Variants in MPPED1 observed in about 807,000 individuals in gnomAD.
MPPED1 encodes the protein metallophosphoesterase domain containing 1.
Under a neutral mutation model 36.2 loss-of-function variants are expected in MPPED1, and 16 were observed. That is an observed-to-expected ratio of 0.44 (90% CI 0.30 to 0.67). The LOEUF is 0.67. Among genes scored for constraint, MPPED1 ranks in the 30% least tolerant of loss-of-function variants. The probability of loss-of-function intolerance (pLI) is 0.10; values close to 1 mark genes in which losing one functional copy is unlikely to be tolerated. For missense variants in MPPED1, 307 were observed against 453.4 expected (o/e 0.68, Z 2.93); for synonymous variants, 199 against 191.3 (o/e 1.04, Z -0.33).
chr22:43,502,760 C>G lies in MPPED1; in HGVS notation c.862+3C>G. On this transcript the variant is annotated splice_donor_region_variant and intron_variant, in intron 6 of 6. Transcript: ENST00000443721. This position sits in a 1 kb window ranked among gnomAD's most constrained non-coding sequence, Gnocchi z 5.5. ...TGTCTTTGGCCACATCCACGAAGGT[C>G]AGTACGTAGCGGAGACAGGCACCTC... 1 of 1,612,724 alleles carries G rather than the reference C, an allele frequency of 6.2e-7. No homozygotes were observed. The highest frequency in any genetic ancestry group is 8.5e-7 in the Non-Finnish European group (1 of 1,179,402).
chr22:43,421,200 C>G (rs1223159871), intron 1 of MPPED1, among the ~76,000 whole-genome samples: 2 of 152,250 alleles, frequency 1.3e-5, no homozygotes, highest in Non-Finnish European at 2.9e-5. Context: ...TGCGCCTCCT[C>G]CGTGGATCGG....
intron 4 of MPPED1, among the ~76,000 whole-genome samples, chr22:43,496,435 G>GGTGGTGGTGGAGGTA: frequency 9.9e-6 from 1 of 101,180 alleles, no homozygotes; most frequent in Non-Finnish European, 1.9e-5. Context: ...TGGTGGAGGT[G>GGTGGTGGTGGAGGTA]GTGGTGGTGG....
intron 3 of MPPED1, among the ~76,000 whole-genome samples, chr22:43,444,364 C>CTT (rs11307353): frequency 1.6e-4 from 14 of 89,352 alleles, no homozygotes; most frequent in East Asian, 3.0e-4. Flanking sequence ...TTCTATCTAT[C>CTT]TTTTTTTTTT....
intron 3 of MPPED1, among the ~76,000 whole-genome samples, chr22:43,470,864 C>T (rs1252208738): frequency 6.6e-6 from 1 of 152,240 alleles, no homozygotes; most frequent in Non-Finnish European, 1.5e-5. Flanking sequence ...ACTTTGGACT[C>T]AGAGGGATGT....
intron 3 of MPPED1, among the ~76,000 whole-genome samples, chr22:43,473,704 A>G (rs1223018273): frequency 6.6e-6 from 1 of 151,996 alleles, no homozygotes; most frequent in Non-Finnish European, 1.5e-5. Flanking sequence ...TCTCAGATGG[A>G]GTAGGGGGCA....
intron 3 of MPPED1, among the ~76,000 whole-genome samples, chr22:43,447,060 G>A (rs533573128): frequency 6.6e-5 from 10 of 152,228 alleles, no homozygotes; most frequent in Admixed American, 2.0e-4. Flanking sequence ...GGAGGGTGGC[G>A]GTGCCTTCCT....
intron 3 of MPPED1, among the ~76,000 whole-genome samples, chr22:43,442,074 T>C (rs1413022609): frequency 6.6e-6 from 1 of 151,898 alleles, no homozygotes; most frequent in Non-Finnish European, 1.5e-5. Context: ...AACAAGTACT[T>C]TCTGGTGCAA....
At chr22:43,469,464 G>C (rs895033610) in intron 3 of MPPED1, among the ~76,000 whole-genome samples, 2 of 2,676 alleles carry the variant, frequency 7.5e-4, no homozygotes, top group Non-Finnish European at 1.8e-3. Flanking sequence ...ATCTATGTTC[G>C]GGTTGGTAAG....
Position 43,440,621 on chromosome 22 carries a change from A to G in MPPED1, c.406+5406A>G, listed in dbSNP as rs1444613740. ...GAGCTGGGATTTGCAAGATGCCAGAAAGTTCCCTCTCTGTGACTGGCAGGT... is the reference window on the plus strand; with the variant it reads ...GAGCTGGGATTTGCAAGATGCCAGAGAGTTCCCTCTCTGTGACTGGCAGGT... On this transcript the variant is annotated intron_variant, in intron 3 of 6. Coordinates refer to ENST00000443721, the MANE Select transcript of MPPED1 (RefSeq NM_001044370.2). 2.0e-5 allele frequency among the ~76,000 whole-genome samples: 3 copies of G among 152,150 alleles called. No individual in the cohort carries two copies. The East Asian group carries it at 5.8e-4, about 29-fold the overall frequency.
Position 43,476,444 on chromosome 22 carries a change from C to T in MPPED1, c.632+1483C>T, listed in dbSNP as rs972897075. Among the ~76,000 whole-genome samples the T allele has an allele frequency of 3.3e-5, 5 of 152,080 alleles. No homozygotes were observed. In the East Asian group the frequency reaches 5.8e-4, roughly 18 times the overall value. On this transcript the variant is annotated intron_variant, in intron 4 of 6. Transcript: ENST00000443721. ...CACTATCAGGAAGCAGCACAGTCAGCGAGGCTAAGGAGCCCTTTAGAGGCA... is the reference window on the plus strand; with the variant it reads ...CACTATCAGGAAGCAGCACAGTCAGTGAGGCTAAGGAGCCCTTTAGAGGCA...
Position 43,498,222 on chromosome 22 carries a change from ACTT to A in MPPED1, c.633-7_633-5del, listed in dbSNP as rs1482168969. ...CACCCGCCCTCCCTCAAACACCTGCACTTCTTCTACAGGCAGCCCTGGTTCTAC... is the reference window on the plus strand; with the variant it reads ...CACCCGCCCTCCCTCAAACACCTGCACTTCTACAGGCAGCCCTGGTTCTAC... On this transcript the variant is annotated splice_polypyrimidine_tract_variant and intron_variant, in intron 4 of 6. Coordinates refer to ENST00000443721, the MANE Select transcript of MPPED1 (RefSeq NM_001044370.2). The A allele has an allele frequency of 7.8e-6, 12 of 1,532,356 alleles. No individual in the cohort carries two copies. The highest frequency in any genetic ancestry group is 1.2e-5 in the South Asian group (1 of 83,856). The allele number at this position is 1,532,356 out of a possible 1,614,324, so 94.9% of individuals were successfully genotyped here. A position where few individuals can be genotyped will look rare whatever the true frequency, so the allele number is the denominator to read the frequency against.
chr22:43,454,300 T>C (rs1464425511), intron 3 of MPPED1, among the ~76,000 whole-genome samples: 1 of 151,750 alleles, frequency 6.6e-6, no homozygotes, highest in Non-Finnish European at 1.5e-5. Flanking sequence ...TGAGCCACTG[T>C]ACCCAGCCTA....
intron 3 of MPPED1, among the ~76,000 whole-genome samples, chr22:43,440,066 C>G (rs546813576): frequency 6.6e-6 from 1 of 152,248 alleles, no homozygotes; most frequent in Non-Finnish European, 1.5e-5. Flanking sequence ...TGTCCAGCGC[C>G]AGCCAGCGGA....
intron 4 of MPPED1, among the ~76,000 whole-genome samples, chr22:43,494,672 T>C (rs1207073104): frequency 8.1e-6 from 1 of 123,340 alleles, no homozygotes; most frequent in Non-Finnish European, 1.7e-5. Flanking sequence ...CATGTCTTTT[T>C]GGGGGACACA....
chr22:43,413,874 T>C (rs1383313655), intron 1 of MPPED1, among the ~76,000 whole-genome samples: 1 of 152,242 alleles, frequency 6.6e-6, no homozygotes, highest in Non-Finnish European at 1.5e-5. Context: ...AGTGTGGGAC[T>C]GCCTTCCTAT....
intron 2 of MPPED1, among the ~76,000 whole-genome samples, chr22:43,433,553 C>T (rs1260947771): frequency 6.7e-6 from 1 of 150,172 alleles, no homozygotes; most frequent in East Asian, 1.9e-4. Flanking sequence ...TAGACCAGCT[C>T]TGACTTGCTG....
chr22:43,442,413 C>G (rs1930181122), intron 3 of MPPED1, among the ~76,000 whole-genome samples: 1 of 152,108 alleles, frequency 6.6e-6, no homozygotes, highest in African/African-American at 2.4e-5. Context: ...AGATCCTGCC[C>G]CGTGGCTGCC....
chr22:43,454,363 G>A (rs1424486195), intron 3 of MPPED1, among the ~76,000 whole-genome samples: 1 of 152,132 alleles, frequency 6.6e-6, no homozygotes, highest in Non-Finnish European at 1.5e-5. Flanking sequence ...CTGGAGTGCA[G>A]TGGTGTTCTT....
chr22:43,492,522 T>G (rs943635389), intron 4 of MPPED1, among the ~76,000 whole-genome samples: 1 of 152,128 alleles, frequency 6.6e-6, no homozygotes, highest in Non-Finnish European at 1.5e-5. Context: ...GCACTGCCTG[T>G]GGGTGGGGGT....
Sources: gnomAD v4.1 joint callset for allele counts (sites outside exome capture counted in the v4.1 genomes callset) on GRCh38, gnomAD v4.1.1 for gene constraint, Gnocchi (gnomAD v3.1) non-coding constraint, MANE v1.5 for transcripts, NCBI Gene and HGNC (gene_info 2026-07-23, HGNC 2026-07-21) for gene names.